Variants in SLC24A2 observed in about 807,000 individuals in gnomAD.
The protein encoded by SLC24A2 is sodium/potassium/calcium exchanger 2.
A neutral mutation model predicts 62.0 loss-of-function variants in SLC24A2; 36 were observed. The observed-to-expected ratio is 0.58, with a 90% CI of 0.44 to 0.77. SLC24A2 has a LOEUF of 0.77. Ranked by LOEUF, SLC24A2 falls within the 30% of genes least tolerant of loss-of-function variation. The probability of loss-of-function intolerance (pLI) is 0.00; values close to 1 mark genes in which losing one functional copy is unlikely to be tolerated. For synonymous variants in SLC24A2, 358 were observed against 294.0 expected, an observed-to-expected ratio of 1.22 and a Z score of -2.23; for missense variants, 846 against 817.9, an observed-to-expected ratio of 1.03 and a Z score of -0.42.
At chr9:19,681,740 T>G (rs764045772) in intron 2 of SLC24A2, among the ~76,000 whole-genome samples, 1 of 152,166 alleles carries the variant, frequency 6.6e-6, no homozygotes, top group Non-Finnish European at 1.5e-5. Flanking sequence ...TAGAGCCCAC[T>G]AGTAGAACAT....
intron 2 of SLC24A2, among the ~76,000 whole-genome samples, chr9:19,755,136 G>C (rs1323980489): frequency 6.6e-6 from 1 of 152,140 alleles, no homozygotes; most frequent in Admixed American, 6.6e-5. Context: ...CCCGCCTCTA[G>C]CTTGATTTGC....
the SLC24A2 span, among the ~76,000 whole-genome samples, chr9:20,195,348 C>G: frequency 6.6e-6 from 1 of 152,150 alleles, no homozygotes; most frequent in Non-Finnish European, 1.5e-5. Context: ...TTCTGATATT[C>G]CACATCTTCA....
At chr9:20,088,322 C>T in the SLC24A2 span, among the ~76,000 whole-genome samples, 58 of 152,328 alleles carry the variant, frequency 3.8e-4, no homozygotes, top group African/African-American at 1.3e-3. Flanking sequence ...GGCAGGCTGC[C>T]GGCTTTGCTG....
the SLC24A2 span, among the ~76,000 whole-genome samples, chr9:19,850,978 TATATATGTATATATATATATATACAC>T: frequency 0.035 from 1,515 of 43,718 alleles, 96 homozygotes; most frequent in Non-Finnish European, 0.055. Flanking sequence ...TATATATATA[TATATATGTATATATATATATATACAC>T]ATACATATAT....
chr9:19,545,952 C>T (rs1426207020), intron 8 of SLC24A2, among the ~76,000 whole-genome samples: 2 of 152,194 alleles, frequency 1.3e-5, no homozygotes, highest in Non-Finnish European at 2.9e-5. Flanking sequence ...TTCCTTCTAA[C>T]AGGACCCTGT....
At chr9:20,102,104 T>C in the SLC24A2 span, among the ~76,000 whole-genome samples, 1 of 152,218 alleles carries the variant, frequency 6.6e-6, no homozygotes, top group African/African-American at 2.4e-5. Flanking sequence ...TACTCACCCA[T>C]GGCCAGATCA....
rs922461314 is a variant in SLC24A2, at chr9:19,762,079, C to A, written c.930+23858G>T. On this transcript the variant is annotated intron_variant, in intron 2 of 10. Transcript: ENST00000341998. ...CACACTGACTTCCACAATGGTTGAA[C>A]TAGTTTACAGTCCCACCAAGAGTGC... 2.0e-5 allele frequency among the ~76,000 whole-genome samples: 3 copies of A among 152,264 alleles called. No individual in the cohort carries two copies. The East Asian group carries it at 5.8e-4, about 29-fold the overall frequency.
At chr9:19,672,034 T>G (rs750940369) in intron 2 of SLC24A2, among the ~76,000 whole-genome samples, 1 of 146,210 alleles carries the variant, frequency 6.8e-6, no homozygotes. Flanking sequence ...TTACGTCCTT[T>G]CCTGGCTTTG....
the SLC24A2 span, among the ~76,000 whole-genome samples, chr9:19,937,991 G>A: frequency 2.2e-4 from 33 of 152,204 alleles, no homozygotes; most frequent in Admixed American, 2.1e-3. Flanking sequence ...AAACAGAACA[G>A]TATAAAAACA....
the SLC24A2 span, among the ~76,000 whole-genome samples, chr9:20,057,437 C>A: frequency 3.9e-5 from 6 of 152,118 alleles, no homozygotes; most frequent in Non-Finnish European, 8.8e-5. Context: ...TTTACCTAGT[C>A]CTTCCTAACC....
rs202111399 is a variant in SLC24A2, at chr9:19,544,179, G to C, written c.1479+5958C>G. ...TGTTGCATTGATCCCTTTACCATTA[G>C]GTAATGGCCTTCTTTCTCTTTTGAT... On this transcript the variant is annotated intron_variant, in intron 8 of 10. Transcript: ENST00000341998. Among the ~76,000 whole-genome samples the C allele has an allele frequency of 2.6e-5, 4 of 151,404 alleles. No individual in the cohort carries two copies. The East Asian group carries it at 5.8e-4, about 22-fold the overall frequency.
chr9:20,103,780 A>G, the SLC24A2 span, among the ~76,000 whole-genome samples: 4 of 151,982 alleles, frequency 2.6e-5, no homozygotes, highest in African/African-American at 9.7e-5. Context: ...GAAACTCTAA[A>G]AAGCAGAGCG....
At chr9:20,232,501 A>G in the SLC24A2 span, among the ~76,000 whole-genome samples, 1 of 152,152 alleles carries the variant, frequency 6.6e-6, no homozygotes, top group East Asian at 1.9e-4. Flanking sequence ...CATTTCTTCT[A>G]GATTTTGTAG....
chr9:20,208,023 C>T, the SLC24A2 span, among the ~76,000 whole-genome samples: 2 of 152,074 alleles, frequency 1.3e-5, no homozygotes, highest in African/African-American at 4.8e-5. Flanking sequence ...GACTTAAAGA[C>T]TTGTAAAGGA....
At chr9:19,817,644 A>T in the SLC24A2 span, among the ~76,000 whole-genome samples, 1 of 152,092 alleles carries the variant, frequency 6.6e-6, no homozygotes, top group Admixed American at 6.6e-5. Flanking sequence ...CTAAGATTTG[A>T]TTATAAAATA....
chr9:19,874,403 C>T, the SLC24A2 span, among the ~76,000 whole-genome samples: 1 of 152,030 alleles, frequency 6.6e-6, no homozygotes, highest in Non-Finnish European at 1.5e-5. Context: ...TATTTTTCAT[C>T]TAAATATAAT....
chr9:19,936,030 A>C, the SLC24A2 span, among the ~76,000 whole-genome samples: 10 of 152,176 alleles, frequency 6.6e-5, no homozygotes, highest in African/African-American at 2.4e-4. Flanking sequence ...AATTCACTTG[A>C]GTATGAGGGT....
chr9:19,702,546 T>G (rs550873847), intron 2 of SLC24A2, among the ~76,000 whole-genome samples: 1 of 152,318 alleles, frequency 6.6e-6, no homozygotes, highest in Non-Finnish European at 1.5e-5. Flanking sequence ...ATTGAGAATC[T>G]ATTAAAACTA....
chr9:19,661,529 A>C (rs1000750103), intron 2 of SLC24A2, among the ~76,000 whole-genome samples: 2 of 152,210 alleles, frequency 1.3e-5, no homozygotes, highest in African/African-American at 2.4e-5. Flanking sequence ...TGAAAAATAC[A>C]ATGTTGGACC....
Sources: gnomAD v4.1 joint callset for allele counts (sites outside exome capture counted in the v4.1 genomes callset) on GRCh38, gnomAD v4.1.1 for gene constraint, MANE v1.5 for transcripts, NCBI Gene and HGNC (gene_info 2026-07-23, HGNC 2026-07-21) for gene names.